Variants in TDRD1 observed in about 807,000 individuals in gnomAD.
The protein encoded by TDRD1 is tudor domain containing 1.
In TDRD1, 37 loss-of-function variants were observed where a neutral mutation model predicts 140.6. The ratio of observed to expected loss-of-function variants is 0.26; its 90% CI spans 0.20 to 0.35. The LOEUF (loss-of-function observed/expected upper bound fraction) is 0.35. Ranked by LOEUF, TDRD1 falls within the 10% of genes least tolerant of loss-of-function variation. The pLI is 1.00. For synonymous variants in TDRD1, 506 were observed against 475.7 expected, an observed-to-expected ratio of 1.06 and a Z score of -0.83; for missense variants, 1,243 against 1,393.0, an observed-to-expected ratio of 0.89 and a Z score of 1.71.
chr10:114,225,935 C>T (rs1350786758), intron 21 of TDRD1, 114 bp from the exon 22 acceptor site: 7 of 859,184 alleles, frequency 8.1e-6, no homozygotes, highest in Non-Finnish European at 1.3e-5. Flanking sequence ...GAACTGTAAC[C>T]AGAAATTTTG....
intron 1 of TDRD1, among the ~76,000 whole-genome samples, chr10:114,185,093 G>A (rs1245968900): frequency 2.6e-5 from 4 of 152,178 alleles, no homozygotes; most frequent in Non-Finnish European, 5.9e-5. Flanking sequence ...AATCATAGTG[G>A]ACTGAATTTC....
At chr10:114,210,008 TTTCTC>T (rs540743103) in intron 11 of TDRD1, among the ~76,000 whole-genome samples, 109 of 152,340 alleles carry the variant, frequency 7.2e-4, no homozygotes, top group African/African-American at 2.5e-3. Context: ...TTCTGTGAGT[TTTCTC>T]TTCTGAGATA....
upstream of TDRD1, among the ~76,000 whole-genome samples, chr10:114,175,279 T>C (rs1372492259): frequency 9.9e-5 from 15 of 152,226 alleles, no homozygotes. Flanking sequence ...TCGGTACTCG[T>C]CAGTAATAAC....
At chr10:114,177,121 C>T (rs886578585), upstream of TDRD1, among the ~76,000 whole-genome samples, 18 of 152,044 alleles carry the variant, frequency 1.2e-4, no homozygotes, top group African/African-American at 3.4e-4. Context: ...TATCCGAGTC[C>T]GTTATTAAAT....
At position 114,217,507 on chromosome 10, in the gene TDRD1, A is replaced by G. The variant is rs370820476; in HGVS notation, c.2213-38A>G. 4 of 1,124,966 alleles carry G rather than the reference A, an allele frequency of 3.6e-6. No individual in the cohort carries two copies. In the African/African-American group the frequency reaches 4.8e-5, roughly 14 times the overall value. The allele number at this position is 1,124,966 out of a possible 1,614,324, so 69.7% of individuals were successfully genotyped here. On this transcript the variant is annotated intron_variant, in intron 16 of 25. Transcript: ENST00000251864. Reference sequence around the variant, plus strand: ...GAAAATCTGTGTTGTTTATTTTTTAATATGTTCTTAATTTTTTAATCCTAT... The same window carrying G: ...GAAAATCTGTGTTGTTTATTTTTTAGTATGTTCTTAATTTTTTAATCCTAT...
At chr10:114,226,935 C>G (rs551944817) in intron 22 of TDRD1, 137 bp from the exon 23 acceptor site, 9 of 588,408 alleles carry the variant, frequency 1.5e-5, no homozygotes, top group Non-Finnish European at 1.8e-5. Flanking sequence ...TTTTGTAATG[C>G]AACAGCAGTA....
chr10:114,231,754 A>T, exon 26 of TDRD1: 1 of 484,956 alleles, frequency 2.1e-6, no homozygotes, highest in Non-Finnish European at 3.6e-6. Context: ...CAAGGAATAC[A>T]TAGGGACTTT....
chr10:114,228,164 G>A, intron 25 of TDRD1: 1 of 1,534,476 alleles, frequency 6.5e-7, no homozygotes, highest in South Asian at 1.3e-5. Flanking sequence ...CCTCTTCTGT[G>A]ATCACCAATA....
At chr10:114,208,111 C>G (rs898353722) in intron 11 of TDRD1, among the ~76,000 whole-genome samples, 1 of 152,062 alleles carries the variant, frequency 6.6e-6, no homozygotes, top group African/African-American at 2.4e-5. Flanking sequence ...AAAGCATGAG[C>G]AGGCCTGAGA....
chr10:114,213,909 C>T, intron 15 of TDRD1, 68 bp from the exon 16 acceptor site: 4 of 1,525,130 alleles, frequency 2.6e-6, no homozygotes, highest in Non-Finnish European at 3.6e-6. Flanking sequence ...AAGCGGGTTC[C>T]TCAGCCACCC....
At chr10:114,196,722 C>A (rs1444552320) in intron 3 of TDRD1, among the ~76,000 whole-genome samples, 3 of 149,886 alleles carry the variant, frequency 2.0e-5, no homozygotes, top group Non-Finnish European at 4.4e-5. Flanking sequence ...TTTTAATTTT[C>A]AGAATTTTAA....
intron 25 of TDRD1, chr10:114,228,896 C>G (rs2036593046): frequency 2.2e-6 from 1 of 462,862 alleles, no homozygotes. Context: ...TCAGCCTGGC[C>G]AAGATGGCGA....
exon 26 of TDRD1, chr10:114,231,628 C>T (rs576030952): frequency 3.3e-5 from 28 of 838,210 alleles, no homozygotes; most frequent in Admixed American, 2.4e-4. Context: ...TCTATCCCTC[C>T]GTTTTTGCCT....
chr10:114,229,547 CTTT>C (rs34051507), intron 25 of TDRD1, among the ~76,000 whole-genome samples: 2 of 126,240 alleles, frequency 1.6e-5, no homozygotes, highest in Non-Finnish European at 3.3e-5. Flanking sequence ...ATCTTTTAAT[CTTT>C]TTTTTTTTTT....
intron 1 of TDRD1, chr10:114,179,934 T>C (rs2032900656): frequency 6.6e-6 from 1 of 152,192 alleles, no homozygotes; most frequent in Admixed American, 6.5e-5. Context: ...GCTAAATGCT[T>C]CCAGCTTCCT....
chr10:114,213,573 G>C (rs143109750), exon 15 of TDRD1: 2 of 1,613,698 alleles, frequency 1.2e-6, no homozygotes, highest in African/African-American at 1.3e-5. Flanking sequence ...ACCCAGTGAC[G>C]TGAAAGAAAC....
At chr10:114,195,920 G>A (rs1471327822) in intron 3 of TDRD1, among the ~76,000 whole-genome samples, 1 of 151,988 alleles carries the variant, frequency 6.6e-6, no homozygotes, top group Non-Finnish European at 1.5e-5. Flanking sequence ...TTTTCCAGTG[G>A]TTGTTCTACA....
Position 114,193,289 on chromosome 10 carries a change from C to CTTTTT in TDRD1, c.384+2288_384+2292dup, listed in dbSNP as rs1170053036. 3.9e-3 allele frequency among the ~76,000 whole-genome samples: 330 copies of CTTTTT among 83,668 alleles called. 7 individuals are homozygous for CTTTTT. The highest frequency in any genetic ancestry group is 0.019 in the Middle Eastern group (2 of 108). The allele number at this position is 83,668 out of a possible 152,430, so 54.9% of individuals were successfully genotyped here. A position where few individuals can be genotyped will look rare whatever the true frequency, so the allele number is the denominator to read the frequency against. On this transcript the variant is annotated intron_variant, in intron 3 of 25. Transcript: ENST00000251864. ...CTTCTATCTGTGACCTTGCTGAAGT[C>CTTTTT]TTTTTTTTTTTTTTTTTTTTTTGAG...
intron 16 of TDRD1, among the ~76,000 whole-genome samples, chr10:114,214,383 C>G (rs1283948342): frequency 6.6e-6 from 1 of 152,022 alleles, no homozygotes; most frequent in Non-Finnish European, 1.5e-5. Context: ...TTAATTCGGC[C>G]TGGTATAGTG....
Sources: gnomAD v4.1 joint callset for allele counts (sites outside exome capture counted in the v4.1 genomes callset) on GRCh38, gnomAD v4.1.1 for gene constraint, MANE v1.5 for transcripts, NCBI Gene and HGNC (gene_info 2026-07-23, HGNC 2026-07-21) for gene names.